Variants in TAB2 observed in about 807,000 individuals in gnomAD.
The protein encoded by TAB2 is TGF-beta-activated kinase 1 and MAP3K7-binding protein 2.
Under a neutral mutation model 65.0 loss-of-function variants are expected in TAB2, and 3 were observed. The ratio of observed to expected loss-of-function variants is 0.05; its 90% confidence interval spans 0.02 to 0.12. The LOEUF is 0.12. Ranked by LOEUF, TAB2 falls within the 10% of genes least tolerant of loss-of-function variation. The pLI is 1.00. For missense variants in TAB2, 623 were observed against 840.3 expected, an observed-to-expected ratio of 0.74 and a Z score of 3.20; for synonymous variants, 298 against 285.1, an observed-to-expected ratio of 1.05 and a Z score of -0.46.
At chr6:149,403,339 TACACACACACACACACAC>T (rs71010866) in intron 6 of TAB2, among the ~76,000 whole-genome samples, 4 of 105,788 alleles carry the variant, frequency 3.8e-5, no homozygotes, top group Non-Finnish European at 5.4e-5. Context: ...TACATATATA[TACACACACACACACACAC>T]ACACACACAC....
At chr6:149,350,625 T>C (rs1780459198) in intron 1 of TAB2, among the ~76,000 whole-genome samples, 2 of 145,796 alleles carry the variant, frequency 1.4e-5, no homozygotes, top group Non-Finnish European at 3.0e-5. Flanking sequence ...GTCTTTTTTT[T>C]TTTTTTTTTT....
chr6:149,306,679 G>T (rs1247715046), intron 1 of TAB2, among the ~76,000 whole-genome samples: 1 of 152,138 alleles, frequency 6.6e-6, no homozygotes, highest in Non-Finnish European at 1.5e-5. Flanking sequence ...TTGAACCCGG[G>T]AGGCAGAGGT....
intron 1 of TAB2, among the ~76,000 whole-genome samples, chr6:149,249,252 C>A (rs1777807682): frequency 6.6e-6 from 1 of 152,108 alleles, no homozygotes; most frequent in Admixed American, 6.5e-5. Context: ...GTGCCCAGGG[C>A]ATGGGTGTGG....
At chr6:149,352,824 G>T (rs1780533900) in intron 1 of TAB2, among the ~76,000 whole-genome samples, 1 of 152,180 alleles carries the variant, frequency 6.6e-6, no homozygotes, top group Non-Finnish European at 1.5e-5. Context: ...AGTAGGTCCA[G>T]GATGAAGCCC....
intron 1 of TAB2, among the ~76,000 whole-genome samples, chr6:149,307,323 G>A (rs1302016480): frequency 6.6e-6 from 1 of 152,182 alleles, no homozygotes; most frequent in Non-Finnish European, 1.5e-5. Flanking sequence ...GACAAGGGGA[G>A]TAGTTCTCTT....
intron 1 of TAB2, among the ~76,000 whole-genome samples, chr6:149,366,792 G>T (rs1011233279): frequency 1.3e-5 from 2 of 152,104 alleles, no homozygotes; most frequent in African/African-American, 4.8e-5. Flanking sequence ...TATCATTTGT[G>T]TAGGTGATAG....
chr6:149,393,843 A>AT (rs59155428), intron 3 of TAB2, among the ~76,000 whole-genome samples: 1 of 151,928 alleles, frequency 6.6e-6, no homozygotes, highest in African/African-American at 2.4e-5. Context: ...CTAAAGTCAG[A>AT]TTTTTTTCTG....
chr6:149,377,934 T>G (rs1781458297), intron 2 of TAB2, 84 bp from the exon 3 acceptor site: 1 of 1,028,048 alleles, frequency 9.7e-7, no homozygotes, highest in African/African-American at 1.6e-5. Flanking sequence ...AGCCAGTCAC[T>G]TGGTAATCAT....
At chr6:149,360,290 T>C (rs1364023842) in intron 1 of TAB2, among the ~76,000 whole-genome samples, 2 of 152,254 alleles carry the variant, frequency 1.3e-5, no homozygotes. Flanking sequence ...AAGGGTTTAA[T>C]TGGCTCCTAG....
rs561154895 is a variant in TAB2, at chr6:149,333,074, C to T, written c.-90+15059C>T. Among the ~76,000 whole-genome samples, 11 of 152,344 alleles carry T rather than the reference C, an allele frequency of 7.2e-5. No individual in the cohort carries two copies. In the East Asian group the frequency reaches 2.1e-3, roughly 29 times the overall value. ...TCCCACTAAATGTCAGTTTTTATAG[C>T]ATGAGTACAATACCTTGGCGCTTGA... On this transcript the variant is annotated intron_variant, in intron 1 of 6. Transcript: ENST00000637181.
intron 6 of TAB2, among the ~76,000 whole-genome samples, chr6:149,399,712 A>AG (rs1782305410): frequency 6.6e-6 from 1 of 152,210 alleles, no homozygotes; most frequent in African/African-American, 2.4e-5. Context: ...AGGCATTAAA[A>AG]TGTGTGTAGA....
chr6:149,231,385 T>C (rs1777402058), intron 1 of TAB2, among the ~76,000 whole-genome samples: 2 of 152,282 alleles, frequency 1.3e-5, no homozygotes, highest in South Asian at 4.1e-4. Flanking sequence ...TCTGTGGTTA[T>C]ATACTTATGC....
chr6:149,236,472 C>T (rs1777497219), intron 1 of TAB2, among the ~76,000 whole-genome samples: 1 of 152,180 alleles, frequency 6.6e-6, no homozygotes, highest in South Asian at 2.1e-4. Context: ...TTTACCATTC[C>T]TTATTCCCCA....
At chr6:149,230,989 T>A (rs944382663) in intron 1 of TAB2, among the ~76,000 whole-genome samples, 2 of 152,216 alleles carry the variant, frequency 1.3e-5, no homozygotes, top group Non-Finnish European at 2.9e-5. Context: ...GGGGTAGGAA[T>A]TGGACAAGCT....
chr6:149,378,042 T>C lies in TAB2; in HGVS notation c.127T>C (p.Cys43Arg). 6.2e-7 allele frequency: 1 copy of C among 1,614,094 alleles called. No homozygotes were observed. The change falls in exon 3 of 7, where the codon TGT (cysteine) becomes CGT (arginine). Residue 43 changes from cysteine (C) to arginine (R), a missense_variant. Physicochemically the swap from Cys to Arg is radical, Grantham distance 180 (BLOSUM62 -3). Coordinates refer to ENST00000637181, the MANE Select transcript of TAB2 (RefSeq NM_001292034.3). ...LQNNNNLDAC[C>R]AVLSQESTRY... ...GAATAATAATAACCTGGATGCCTGC[T>C]GTGCTGTTCTCTCTCAGGAGAGTAC... is the stretch of plus-strand genomic sequence containing the variant.
At chr6:149,382,666 T>G (rs563632933) in intron 3 of TAB2, among the ~76,000 whole-genome samples, 6 of 152,238 alleles carry the variant, frequency 3.9e-5, no homozygotes, top group East Asian at 1.9e-4. Flanking sequence ...TATAATGTCT[T>G]TCTTTCCAGA....
At chr6:149,276,948 G>A (rs1343909824) in intron 1 of TAB2, among the ~76,000 whole-genome samples, 1 of 152,104 alleles carries the variant, frequency 6.6e-6, no homozygotes, top group Non-Finnish European at 1.5e-5. Flanking sequence ...TCATGGGGGT[G>A]GTTTCCCCCA....
rs565935561 is a variant in TAB2 at position 149,231,857 on chromosome 6, A to G, written c.-121+13081A>G. On this transcript the variant is annotated intron_variant, in intron 1 of 1. Transcript: ENST00000606202. ...TTCTTCTTCCAGTTGAAGTTTCACA[A>G]CTTTGGAAGCAAAAAAGAGAGGAGT... Among the ~76,000 whole-genome samples, 188 of 152,284 alleles carry G rather than the reference A, an allele frequency of 1.2e-3. 1 individual carries two copies. Among genetic ancestry groups the G allele is most frequent in the Non-Finnish European group, 1.8e-3 (123 of 68,026 alleles).
At chr6:149,282,649 A>G (rs1334368070) in intron 1 of TAB2, among the ~76,000 whole-genome samples, 5 of 152,340 alleles carry the variant, frequency 3.3e-5, no homozygotes, top group Admixed American at 3.3e-4. Flanking sequence ...GGTGAGAAAT[A>G]ATTAAAGGAA....
Sources: gnomAD v4.1 joint callset for allele counts (sites outside exome capture counted in the v4.1 genomes callset) on GRCh38, gnomAD v4.1.1 for gene constraint, MANE v1.5 for transcripts, NCBI Gene and HGNC (gene_info 2026-07-23, HGNC 2026-07-21) for gene names.